ANOS1: variants seen among roughly 807,000 people sequenced by gnomAD.
ANOS1 encodes anosmin-1.
ANOS1 carries 6 observed loss-of-function variants against 59.0 expected under a neutral mutation model. The ratio of observed to expected loss-of-function variants is 0.10; its 90% CI spans 0.06 to 0.20. The LOEUF (loss-of-function observed/expected upper bound fraction) is 0.20. ANOS1 is among the 10% of genes least tolerant of loss of function. ANOS1 has a pLI of 1.00. For synonymous variants in ANOS1, 217 were observed against 223.4 expected (o/e 0.97, Z 0.25); for missense variants, 433 against 542.3 (o/e 0.80, Z 2.00).
intron 8 of ANOS1, among the ~76,000 whole-genome samples, chrX:8,557,999 G>T (rs1310473511): frequency 9.0e-6 from 1 of 111,649 alleles, no homozygotes; most frequent in African/African-American, 3.3e-5. Flanking sequence ...GCCATATAAA[G>T]GAATGAGTTC....
intron 1 of ANOS1, among the ~76,000 whole-genome samples, chrX:8,725,667 G>GAT (rs1278419164): frequency 3.2e-5 from 1 of 31,726 alleles, no homozygotes; most frequent in Non-Finnish European, 4.8e-5. Flanking sequence ...TATATATACA[G>GAT]ATATATATAT....
At chrX:8,588,943 G>A (rs923487008) in intron 4 of ANOS1, among the ~76,000 whole-genome samples, 2 of 112,461 alleles carry the variant, frequency 1.8e-5, no homozygotes, top group Non-Finnish European at 3.8e-5. Flanking sequence ...CACAATGGTC[G>A]TTTGCTGAAA....
Position 8,535,708 on chromosome X carries a change from C to T in ANOS1, c.1725G>A (p.Lys575=). The T allele has an allele frequency of 9.9e-6, 12 of 1,211,260 alleles. No homozygotes were observed. Among genetic ancestry groups the T allele is most frequent in the Non-Finnish European group, 1.3e-5 (12 of 894,765 alleles). ...ITGHFSWKMA[K]ANLYQPMTGF... ...CAGTCATGGGCTGATAGAGATTGGC[C>T]TTGGCCATCTTCCAAGAAAAGTGAC... is the stretch of plus-strand genomic sequence containing the variant. Residue 575 remains lysine (K), a synonymous_variant, in exon 12 of 14, where the codon AAG becomes AAA. Transcript: ENST00000262648.
chrX:8,578,994 C>T (rs1253580806), intron 6 of ANOS1, among the ~76,000 whole-genome samples: 1 of 112,335 alleles, frequency 8.9e-6, no homozygotes, highest in African/African-American at 3.2e-5. Flanking sequence ...CTGGTAAATA[C>T]TATTTTGTAA....
chrX:8,683,413 A>T (rs183354954), intron 2 of ANOS1, among the ~76,000 whole-genome samples: 3 of 111,052 alleles, frequency 2.7e-5, no homozygotes, highest in African/African-American at 9.8e-5. Context: ...AGCCTTTAAC[A>T]CTGGTGCCCA....
At chrX:8,661,652 A>AT (rs1454925477) in intron 2 of ANOS1, among the ~76,000 whole-genome samples, 5 of 111,891 alleles carry the variant, frequency 4.5e-5, no homozygotes, top group Non-Finnish European at 9.4e-5. Flanking sequence ...CTACAAGTCC[A>AT]AACACTATAG....
intron 1 of ANOS1, among the ~76,000 whole-genome samples, chrX:8,704,175 C>G (rs1343903221): frequency 8.9e-6 from 1 of 111,913 alleles, no homozygotes; most frequent in Non-Finnish European, 1.9e-5. Flanking sequence ...GAGGCCTCCC[C>G]AGCCATGTGG....
At chrX:8,555,425 A>G (rs1214984385) in intron 8 of ANOS1, among the ~76,000 whole-genome samples, 1 of 111,552 alleles carries the variant, frequency 9.0e-6, no homozygotes, top group Non-Finnish European at 1.9e-5. Flanking sequence ...CCTTCCAAAA[A>G]TCAATGAATC....
chrX:8,610,040 AACC>A (rs1931025924), intron 3 of ANOS1, among the ~76,000 whole-genome samples: 1 of 46,019 alleles, frequency 2.2e-5, no homozygotes. Context: ...AAAAAACAAC[AACC>A]TTTAAAGAGC....
chrX:8,553,811 C>T, intron 9 of ANOS1, 141 bp downstream of exon 9: 2 of 510,318 alleles, frequency 3.9e-6, no homozygotes, highest in Non-Finnish European at 6.8e-6. Context: ...GTGAGATAAC[C>T]GTCAACTCAT....
At chrX:8,730,836 C>T (rs951469508) in intron 1 of ANOS1, among the ~76,000 whole-genome samples, 11 of 112,775 alleles carry the variant, frequency 9.8e-5, no homozygotes, top group African/African-American at 2.9e-4. Flanking sequence ...TCAGAGCTCG[C>T]ACGCTCGACA....
chrX:8,597,342 T>C (rs1930758540), intron 3 of ANOS1, 86 bp from the exon 4 acceptor site: 1 of 808,789 alleles, frequency 1.2e-6, no homozygotes, highest in South Asian at 2.2e-5. Flanking sequence ...AGTTCAACAT[T>C]TTTCCCCACC....
chrX:8,687,402 A>C (rs1932538497), intron 2 of ANOS1, among the ~76,000 whole-genome samples: 2 of 110,331 alleles, frequency 1.8e-5, no homozygotes, highest in Non-Finnish European at 3.8e-5. Context: ...TGTGAAATTA[A>C]AGGTCCTAAC....
At position 8,552,218 on chromosome X, in the gene ANOS1, G is replaced by A. The variant is rs555380126; in HGVS notation, c.1354+1734C>T. Among the ~76,000 whole-genome samples the A allele has an allele frequency of 2.1e-4, 24 of 112,294 alleles. 1 individual carries two copies. The South Asian group carries it at 7.7e-3, about 36-fold the overall frequency. ...AAATACCACATGACAGAGAGAATGT[G>A]GAGCACCTGGAACCATAATCATGCC... On this transcript the variant is annotated intron_variant, in intron 9 of 13. Transcript: ENST00000262648.
chrX:8,598,760 A>T (rs187026936), intron 3 of ANOS1, among the ~76,000 whole-genome samples: 58 of 112,130 alleles, frequency 5.2e-4, no homozygotes, highest in Non-Finnish European at 1.3e-4. Flanking sequence ...AACAAAATAG[A>T]TGTATTTGTT....
intron 2 of ANOS1, among the ~76,000 whole-genome samples, chrX:8,696,503 T>C (rs1264090559): frequency 8.9e-6 from 1 of 112,250 alleles, no homozygotes; most frequent in Non-Finnish European, 1.9e-5. Flanking sequence ...GAGTACATGA[T>C]GACAATCAGA....
At chrX:8,566,004 T>C in intron 8 of ANOS1, 3 of 754,685 alleles carry the variant, frequency 4.0e-6, no homozygotes, top group Non-Finnish European at 4.7e-6. Context: ...TCCACCTTCA[T>C]TCTTTCCTCA....
At chrX:8,625,457 G>A (rs1314015903) in intron 2 of ANOS1, among the ~76,000 whole-genome samples, 1 of 111,795 alleles carries the variant, frequency 8.9e-6, no homozygotes, top group Admixed American at 9.5e-5. Flanking sequence ...CCGGATATAT[G>A]GTGAAGCAAT....
At chrX:8,606,212 G>A (rs899372833) in intron 3 of ANOS1, among the ~76,000 whole-genome samples, 12 of 112,139 alleles carry the variant, frequency 1.1e-4, no homozygotes, top group Non-Finnish European at 9.4e-5. Context: ...ATAGACCCCT[G>A]TTTAAAAACA....
Sources: gnomAD v4.1 joint callset for allele counts (sites outside exome capture counted in the v4.1 genomes callset) on GRCh38, gnomAD v4.1.1 for gene constraint, MANE v1.5 for transcripts, NCBI Gene and HGNC (gene_info 2026-07-23, HGNC 2026-07-21) for gene names.